DMXL1: variants seen among roughly 807,000 people sequenced by gnomAD.
The protein encoded by DMXL1 is dmX-like protein 1.
DMXL1 carries 99 observed loss-of-function variants against 319.2 expected under a neutral mutation model. The observed-to-expected ratio is 0.31, with a 90% CI of 0.26 to 0.37. The LOEUF is 0.37. DMXL1 is among the 10% of genes least tolerant of loss of function. The pLI is 1.00. For synonymous variants in DMXL1, 1,385 were observed against 1,235.2 expected, an observed-to-expected ratio of 1.12 and a Z score of -2.54; for missense variants, 3,745 against 3,595.6, an observed-to-expected ratio of 1.04 and a Z score of -1.06.
In DMXL1 at chr5:119,119,857, A is replaced by AT. The variant is rs554995502; in HGVS notation, c.933+863dup. ...AACGAAGTGATTTTATTTTTTGTGGATTTTTTTTTTGGGTGGGGGAGTTGT... is the reference window on the plus strand; with the variant it reads ...AACGAAGTGATTTTATTTTTTGTGGATTTTTTTTTTTGGGTGGGGGAGTTGT... On this transcript the variant is annotated intron_variant, in intron 8 of 43. Transcript: ENST00000539542. Among the ~76,000 whole-genome samples, 37 of 147,022 alleles carry AT rather than the reference A, an allele frequency of 2.5e-4. 1 individual carries two copies. Among genetic ancestry groups the AT allele is most frequent in the Middle Eastern group, 3.6e-3 (1 of 278 alleles).
intron 19 of DMXL1, among the ~76,000 whole-genome samples, chr5:119,160,134 C>G (rs1771962383): frequency 6.6e-6 from 1 of 150,786 alleles, no homozygotes; most frequent in Admixed American, 6.6e-5. Flanking sequence ...GTTTATTTGA[C>G]AGAGATATAT....
chr5:119,216,299 G>C (rs1269096830), intron 34 of DMXL1, among the ~76,000 whole-genome samples: 1 of 151,960 alleles, frequency 6.6e-6, no homozygotes, highest in Non-Finnish European at 1.5e-5. Flanking sequence ...CTCATCTAAA[G>C]TACTTAGAAT....
chr5:119,136,710 CAG>C (rs1333614305), intron 13 of DMXL1, among the ~76,000 whole-genome samples: 1 of 152,258 alleles, frequency 6.6e-6, no homozygotes, highest in Non-Finnish European at 1.5e-5. Flanking sequence ...GCTGTTGCTT[CAG>C]AGAGTGCAAG....
At chr5:119,177,102 T>C (rs1775947162) in intron 26 of DMXL1, among the ~76,000 whole-genome samples, 1 of 152,142 alleles carries the variant, frequency 6.6e-6, no homozygotes. Context: ...ATCTTGCTAC[T>C]TGTGGTACAT....
intron 43 of DMXL1, among the ~76,000 whole-genome samples, chr5:119,245,105 T>C (rs1323291581): frequency 2.6e-5 from 4 of 152,208 alleles, no homozygotes; most frequent in Non-Finnish European, 5.9e-5. Flanking sequence ...TTATTAAATA[T>C]GCAAATTGCT....
intron 40 of DMXL1, among the ~76,000 whole-genome samples, 163 bp downstream of exon 40, chr5:119,237,577 ACT>A (rs1306881199): frequency 6.6e-6 from 1 of 152,008 alleles, no homozygotes; most frequent in Non-Finnish European, 1.5e-5. Flanking sequence ...TGTGAAAATT[ACT>A]CTGTGAAGCA....
intron 43 of DMXL1, among the ~76,000 whole-genome samples, 157 bp from the exon 44 acceptor site, chr5:119,246,838 G>C (rs1458771564): frequency 6.6e-6 from 1 of 151,914 alleles, no homozygotes; most frequent in East Asian, 1.9e-4. Context: ...TCTCCTTGTT[G>C]GTCAGGCTGG....
chr5:119,128,391 C>G (rs887514221), intron 9 of DMXL1: 5 of 228,688 alleles, frequency 2.2e-5, no homozygotes, highest in African/African-American at 1.2e-4. Context: ...GTTGAGCTAC[C>G]ATGCTGCTGT....
chr5:119,238,464 T>A (rs990496218), intron 40 of DMXL1, among the ~76,000 whole-genome samples: 1 of 152,188 alleles, frequency 6.6e-6, no homozygotes, highest in Non-Finnish European at 1.5e-5. Context: ...TTTTGATGAC[T>A]ATTAGTAATT....
intron 19 of DMXL1, among the ~76,000 whole-genome samples, chr5:119,153,009 C>G: frequency 6.6e-6 from 1 of 150,916 alleles, no homozygotes; most frequent in African/African-American, 2.4e-5. Context: ...TAGAGTCTTG[C>G]TCTGTCACCC....
At chr5:119,148,633 G>C in intron 17 of DMXL1, 106 bp from the exon 18 acceptor site, 1 of 1,096,428 alleles carries the variant, frequency 9.1e-7, no homozygotes, top group Non-Finnish European at 1.3e-6. Context: ...CTTTGATTTT[G>C]TTCATATTTA....
At chr5:119,105,402 G>T in intron 4 of DMXL1, 144 bp downstream of exon 4, 1 of 617,436 alleles carries the variant, frequency 1.6e-6, no homozygotes, top group Non-Finnish European at 2.9e-6. Context: ...CCCTTTTAGA[G>T]TTTATACTGA....
intron 6 of DMXL1, among the ~76,000 whole-genome samples, chr5:119,115,380 G>C (rs768842695): frequency 1.3e-5 from 2 of 152,086 alleles, no homozygotes; most frequent in Non-Finnish European, 2.9e-5. Flanking sequence ...TTTATTACCT[G>C]TCTATTTTAA....
At chr5:119,167,223 C>T (rs1197982875) in intron 22 of DMXL1, among the ~76,000 whole-genome samples, 1 of 152,044 alleles carries the variant, frequency 6.6e-6, no homozygotes, top group Non-Finnish European at 1.5e-5. Context: ...GAGTTTCATA[C>T]AAGTAATTCA....
At chr5:119,127,635 C>T (rs1033166669) in intron 9 of DMXL1, 10 of 167,640 alleles carry the variant, frequency 6.0e-5, no homozygotes, top group Admixed American at 1.3e-4. Context: ...GATGGGGTTT[C>T]GTCATGTTGA....
intron 13 of DMXL1, among the ~76,000 whole-genome samples, chr5:119,134,971 C>T (rs780152599): frequency 1.6e-4 from 25 of 152,314 alleles, no homozygotes; most frequent in Non-Finnish European, 3.1e-4. Context: ...TTCGGCTGTA[C>T]CAAGCTTTCT....
chr5:119,133,625 T>C lies in DMXL1; in HGVS notation c.1701T>C (p.Ser567=), dbSNP rs775427082. ...LAIQQGKQKP[S]GLTRSTSMLI... is the part of the protein sequence containing the mutation. ...TTCAGCAGGGGAAACAAAAACCTTC[T>C]GGCCTCACCCGTTCCACATCAATGC... The change falls in exon 12 of 44, where the codon TCT becomes TCC. Residue 567 remains serine (S), a synonymous_variant. Transcript: ENST00000539542. The C allele has an allele frequency of 3.1e-6, 5 of 1,614,236 alleles. No homozygotes were observed. The Middle Eastern group carries it at 6.6e-4, about 213-fold the overall frequency.
chr5:119,104,140 G>A (rs777368160), intron 3 of DMXL1: 1 of 152,152 alleles, frequency 6.6e-6, no homozygotes, highest in Non-Finnish European at 1.5e-5. Context: ...TTCTTGTGAG[G>A]TGGTGGTCTT....
In DMXL1 at chr5:119,149,394, C is replaced by T. The variant is rs1213761259; in HGVS notation, c.3567C>T (p.Thr1189=). Residue 1189 remains threonine (T), a synonymous_variant, in exon 18 of 44, where the codon ACC becomes ACT. Coordinates refer to ENST00000539542, the MANE Select transcript of DMXL1 (RefSeq NM_001290321.3). ...TGGCATTTCCTCTCTGGGAGAGTAC[C>T]AAAGTTGTGCCCCTTTCTAAATTTG... The part of the protein sequence containing the change: ...ETLAFPLWES[T]KVVPLSKFVL... 9 of 1,613,764 alleles carry T rather than the reference C, an allele frequency of 5.6e-6. No individual in the cohort carries two copies. In the East Asian group the frequency reaches 1.3e-4, roughly 24 times the overall value.
Sources: allele counts gnomAD v4.1 joint callset (sites outside exome capture counted in the v4.1 genomes callset), GRCh38; gene constraint gnomAD v4.1.1; transcripts MANE v1.5; gene names NCBI Gene and HGNC (gene_info 2026-07-23, HGNC 2026-07-21).